ZNF420: variants seen among roughly 807,000 people sequenced by gnomAD.
ZNF420 encodes zinc finger protein 420.
ZNF420 carries 31 observed loss-of-function variants against 44.7 expected under a neutral mutation model. That is an observed-to-expected ratio of 0.69 (90% CI 0.52 to 0.94). The LOEUF (loss-of-function observed/expected upper bound fraction) is 0.94. ZNF420 is among the 40% of genes least tolerant of loss of function. ZNF420 has a pLI of 0.00. For synonymous variants in ZNF420, 245 were observed against 267.4 expected, an observed-to-expected ratio of 0.92 and a Z score of 0.82; for missense variants, 681 against 827.9, an observed-to-expected ratio of 0.82 and a Z score of 2.18.
chr19:37,069,617 T>C (rs1398572320), intron 1 of ZNF420, among the ~76,000 whole-genome samples: 2 of 152,150 alleles, frequency 1.3e-5, no homozygotes, highest in East Asian at 3.9e-4. Flanking sequence ...AATTAAGTGC[T>C]GAATGTCTTA....
chr19:37,037,666 C>T (rs973386859), intron 1 of ZNF420, among the ~76,000 whole-genome samples: 2 of 152,186 alleles, frequency 1.3e-5, no homozygotes, highest in African/African-American at 4.8e-5. Flanking sequence ...CGGAGACTCT[C>T]AGAAGGTTCT....
chr19:37,102,004 G>A, intron 4 of ZNF420, among the ~76,000 whole-genome samples: 1 of 152,192 alleles, frequency 6.6e-6, no homozygotes, highest in Non-Finnish European at 1.5e-5. Flanking sequence ...CAACAGGAGG[G>A]GCTAGAGCTT....
At chr19:37,126,473 G>A (rs1971353327) in intron 4 of ZNF420, among the ~76,000 whole-genome samples, 1 of 152,158 alleles carries the variant, frequency 6.6e-6, no homozygotes, top group Non-Finnish European at 1.5e-5. Flanking sequence ...TCATTGAAGA[G>A]TTTGGATTTT....
Position 37,091,051 on chromosome 19 carries a change from C to G in ZNF420, c.66C>G (p.Cys22Trp), listed in dbSNP as rs201391260. Residue 22 changes from cysteine to tryptophan, a missense_variant, in exon 4 of 5, where the codon TGC becomes TGG. Around this residue, in one of 3 missense-constraint regions of ZNF420, gnomAD observed 350 missense variants for 382.5 expected, o/e 0.92. Transcript: ENST00000337995. ...ACTTCTCTCAGGAAGAGTGGGAATG[C>G]CTGGACTCTGCTCAGAGAGATTTGT... ...AIDFSQEEWE[C>W]LDSAQRDLYR... 1 of 1,613,206 alleles carries G rather than the reference C, an allele frequency of 6.2e-7. No individual in the cohort carries two copies. Among genetic ancestry groups the G allele is most frequent in the Non-Finnish European group, 8.5e-7 (1 of 1,179,698 alleles).
intron 4 of ZNF420, among the ~76,000 whole-genome samples, chr19:37,124,795 G>GTAAT (rs1463108972): frequency 6.6e-6 from 1 of 151,956 alleles, no homozygotes; most frequent in Non-Finnish European, 1.5e-5. Context: ...AGCCTCCCAA[G>GTAAT]TAATTGGGAT....
chr19:37,089,115 AACCATGGCTCGGGTAAATTG>A lies in ZNF420; in HGVS notation c.-3_9+8del. On this transcript the variant is annotated splice_donor_variant and splice_donor_5th_base_variant and coding_sequence_variant and 5_prime_UTR_variant and intron_variant, in exon 3 of 5. Coordinates refer to ENST00000337995, the MANE Select transcript of ZNF420 (RefSeq NM_144689.5). LOFTEE classifies it high-confidence loss of function. ...ACTGATCATTTCTTGCAGCTCTAAAAACCATGGCTCGGGTAAATTGGAGTTTCCTTGTGCTCTTTTCACTT... is the reference window on the plus strand; with the variant it reads ...ACTGATCATTTCTTGCAGCTCTAAAAGAGTTTCCTTGTGCTCTTTTCACTT... 6.2e-7 allele frequency: 1 copy of A among 1,613,496 alleles called. No individual in the cohort carries two copies. Among genetic ancestry groups the A allele is most frequent in the South Asian group, 1.1e-5 (1 of 91,072 alleles).
At chr19:37,107,549 A>G (rs1422194103) in intron 4 of ZNF420, 1 of 152,006 alleles carries the variant, frequency 6.6e-6, no homozygotes, top group African/African-American at 2.4e-5. Context: ...GGAGTCTCTT[A>G]TGTCTACTTA....
chr19:37,074,163 C>A (rs1311571539), upstream of ZNF420, among the ~76,000 whole-genome samples: 1 of 152,094 alleles, frequency 6.6e-6, no homozygotes, highest in Non-Finnish European at 1.5e-5. Flanking sequence ...TTCAAAATAT[C>A]CCCATCAGAT....
intron 4 of ZNF420, among the ~76,000 whole-genome samples, chr19:37,099,439 A>G (rs958534946): frequency 1.3e-5 from 2 of 152,170 alleles, no homozygotes; most frequent in African/African-American, 4.8e-5. Flanking sequence ...AGTGATATTG[A>G]GCATTTTTTC....
At chr19:37,061,593 A>C (rs1599626392) in intron 1 of ZNF420, among the ~76,000 whole-genome samples, 1 of 152,330 alleles carries the variant, frequency 6.6e-6, no homozygotes, top group East Asian at 1.9e-4. Flanking sequence ...GATAATTATA[A>C]TTAGCATCAT....
rs546240554 is a variant in ZNF420, at chr19:37,081,239, C to T, written c.-81+851C>T. Among the ~76,000 whole-genome samples, 5 of 152,076 alleles carry T rather than the reference C, an allele frequency of 3.3e-5. No homozygotes were observed. In the East Asian group the frequency reaches 7.7e-4, roughly 24 times the overall value. On this transcript the variant is annotated intron_variant, in intron 2 of 4. Coordinates refer to ENST00000337995, the MANE Select transcript of ZNF420 (RefSeq NM_144689.5). ...TTGTTACTGATTTCTAATTTCATTACATTGTGTTCACAGAATATACTTCAT... is the reference window on the plus strand; with the variant it reads ...TTGTTACTGATTTCTAATTTCATTATATTGTGTTCACAGAATATACTTCAT...
chr19:37,022,184 G>A (rs1440316063), intron 1 of ZNF420, among the ~76,000 whole-genome samples: 1 of 150,480 alleles, frequency 6.6e-6, no homozygotes, highest in Non-Finnish European at 1.5e-5. Context: ...ATGTATAGGG[G>A]CAAAAAAATC....
chr19:37,068,369 G>A (rs1223073970), intron 1 of ZNF420, among the ~76,000 whole-genome samples: 1 of 152,188 alleles, frequency 6.6e-6, no homozygotes, highest in African/African-American at 2.4e-5. Flanking sequence ...GCCGGGCGCG[G>A]TGGCTCATGC....
At chr19:37,113,982 A>C (rs1188788148) in intron 4 of ZNF420, among the ~76,000 whole-genome samples, 1 of 152,166 alleles carries the variant, frequency 6.6e-6, no homozygotes, top group Non-Finnish European at 1.5e-5. Flanking sequence ...TCCTCATATA[A>C]GGGGAGTTGG....
chr19:37,063,146 C>T (rs1474137235), intron 1 of ZNF420, among the ~76,000 whole-genome samples: 2 of 152,124 alleles, frequency 1.3e-5, no homozygotes, highest in Non-Finnish European at 2.9e-5. Context: ...AAGTATAGCA[C>T]CAGGAACTTT....
intron 1 of ZNF420, among the ~76,000 whole-genome samples, chr19:37,062,303 G>C (rs1355105097): frequency 6.6e-6 from 1 of 152,162 alleles, no homozygotes; most frequent in African/African-American, 2.4e-5. Flanking sequence ...ATGAAAAACA[G>C]AAAAGACATT....
In ZNF420 at chr19:37,050,446, G is replaced by A. The variant is rs147728405; in HGVS notation, c.-124-29899G>A. Among the ~76,000 whole-genome samples, 4 of 152,226 alleles carry A rather than the reference G, an allele frequency of 2.6e-5. No homozygotes were observed. In the East Asian group the frequency reaches 7.7e-4, roughly 29 times the overall value. On this transcript the variant is annotated intron_variant, in intron 1 of 4. Transcript: ENST00000587029. ...AGGTCCTTCATGTCCCTTGTAAGTT[G>A]GATCCCTAGATATTTTATTCTCTTT...
chr19:37,099,358 T>C (rs757353922), intron 4 of ZNF420, among the ~76,000 whole-genome samples: 19 of 152,208 alleles, frequency 1.2e-4, no homozygotes, highest in Non-Finnish European at 2.4e-4. Flanking sequence ...ATCTTTTGTC[T>C]TTTTAATAGC....
intron 4 of ZNF420, among the ~76,000 whole-genome samples, chr19:37,099,845 A>C (rs921052037): frequency 1.3e-5 from 2 of 152,120 alleles, no homozygotes; most frequent in Non-Finnish European, 2.9e-5. Context: ...GGATGGTCTC[A>C]GTCTCCTGAC....
Sources: gnomAD v4.1 joint callset for allele counts (sites outside exome capture counted in the v4.1 genomes callset) on GRCh38, gnomAD v4.1.1 for gene constraint, gnomAD v4.1.1 regional missense constraint, MANE v1.5 for transcripts, NCBI Gene and HGNC (gene_info 2026-07-23, HGNC 2026-07-21) for gene names.